Variants in RFX3 observed in about 807,000 individuals in gnomAD.
RFX3 encodes the protein regulatory factor X3, also known as transcription factor RFX3.
A neutral mutation model predicts 98.6 loss-of-function variants in RFX3; 14 were observed. The observed-to-expected ratio is 0.14, with a 90% CI of 0.09 to 0.22. The LOEUF is 0.22. Among genes scored for constraint, RFX3 ranks in the 10% least tolerant of loss-of-function variants. The pLI is 1.00. For synonymous variants in RFX3, 383 were observed against 328.4 expected (o/e 1.17, Z -1.80); for missense variants, 639 against 926.9 (o/e 0.69, Z 4.03).
intron 1 of RFX3, among the ~76,000 whole-genome samples, chr9:3,521,336 C>A (rs1818690522): frequency 1.3e-5 from 2 of 151,984 alleles, no homozygotes; most frequent in Admixed American, 1.3e-4. Context: ...TATTAGTACA[C>A]GAAGTTAGGT....
intron 1 of RFX3, among the ~76,000 whole-genome samples, chr9:3,449,488 C>A (rs1846369168): frequency 6.6e-6 from 1 of 152,240 alleles, no homozygotes; most frequent in African/African-American, 2.4e-5. Flanking sequence ...TTTCTAATTA[C>A]AACTGTACAC....
chr9:3,522,618 C>T (rs1471951309), intron 1 of RFX3, among the ~76,000 whole-genome samples: 3 of 151,504 alleles, frequency 2.0e-5, no homozygotes, highest in Admixed American at 6.6e-5. Flanking sequence ...CTGCTATGCC[C>T]ACCCATTTAA....
At chr9:3,257,271 C>T in intron 13 of RFX3, 72 bp from the exon 14 acceptor site, 1 of 1,249,824 alleles carries the variant, frequency 8.0e-7, no homozygotes, top group Non-Finnish European at 1.2e-6. Flanking sequence ...AGCACACACA[C>T]TAGATGCAAG....
chr9:3,258,945 A>T (rs912968586), intron 13 of RFX3, among the ~76,000 whole-genome samples: 8 of 151,880 alleles, frequency 5.3e-5, no homozygotes, highest in Non-Finnish European at 1.2e-4. Flanking sequence ...AGAGGATCAT[A>T]TTATATTTTC....
At chr9:3,432,822 G>A (rs949882768) in intron 1 of RFX3, among the ~76,000 whole-genome samples, 3 of 152,082 alleles carry the variant, frequency 2.0e-5, no homozygotes, top group African/African-American at 7.2e-5. Flanking sequence ...TTTATGACTT[G>A]GATGCTTCTA....
intron 1 of RFX3, among the ~76,000 whole-genome samples, chr9:3,425,977 GC>G (rs1843979568): frequency 6.6e-6 from 1 of 151,906 alleles, no homozygotes. Context: ...TTTTCACTTA[GC>G]TTTTCATACA....
intron 2 of RFX3, among the ~76,000 whole-genome samples, chr9:3,351,737 T>C (rs1273575446): frequency 6.6e-6 from 1 of 151,862 alleles, no homozygotes; most frequent in Non-Finnish European, 1.5e-5. Flanking sequence ...TCAGATAACT[T>C]CAAATGAAAA....
chr9:3,469,394 G>A (rs975606162), intron 1 of RFX3, among the ~76,000 whole-genome samples: 1 of 151,974 alleles, frequency 6.6e-6, no homozygotes, highest in African/African-American at 2.4e-5. Flanking sequence ...ATCAACTTGG[G>A]TATTTTTCCA....
At chr9:3,256,288 A>C (rs570577366) in intron 14 of RFX3, among the ~76,000 whole-genome samples, 1 of 150,544 alleles carries the variant, frequency 6.6e-6, no homozygotes, top group African/African-American at 2.4e-5. Context: ...CTATCTCTTG[A>C]CCACCAAGAT....
At chr9:3,320,596 A>G (rs764643567) in intron 4 of RFX3, among the ~76,000 whole-genome samples, 1 of 150,566 alleles carries the variant, frequency 6.6e-6, no homozygotes, top group Non-Finnish European at 1.5e-5. Context: ...AGGATATCTT[A>G]TATAAGCACA....
chr9:3,418,568 C>T (rs1208192827), intron 1 of RFX3, among the ~76,000 whole-genome samples: 2 of 151,896 alleles, frequency 1.3e-5, no homozygotes, highest in Non-Finnish European at 2.9e-5. Context: ...TTAGTAGAGA[C>T]GGGGTTTCAC....
At chr9:3,245,598 A>C (rs1820553719) in intron 15 of RFX3, among the ~76,000 whole-genome samples, 1 of 152,208 alleles carries the variant, frequency 6.6e-6, no homozygotes, top group South Asian at 2.1e-4. Flanking sequence ...AGGACATAAA[A>C]AAAGAATGCT....
chr9:3,419,602 A>C (rs1843274321), intron 1 of RFX3, among the ~76,000 whole-genome samples: 1 of 152,164 alleles, frequency 6.6e-6, no homozygotes, highest in South Asian at 2.1e-4. Flanking sequence ...AACTAAGTGC[A>C]TGATTAAATT....
chr9:3,510,432 A>G (rs1159257070), intron 1 of RFX3, among the ~76,000 whole-genome samples: 1 of 152,088 alleles, frequency 6.6e-6, no homozygotes, highest in East Asian at 1.9e-4. Flanking sequence ...ACTCAAACAT[A>G]GAATAAGTGG....
In RFX3 at chr9:3,525,916, T is replaced by G. The variant is rs763064918; in HGVS notation, c.-178A>C. 9.1e-5 allele frequency: 89 copies of G among 974,262 alleles called. No individual in the cohort carries two copies. The highest frequency in any genetic ancestry group is 1.0e-4 in the Non-Finnish European group (86 of 827,142). The allele number at this position is 974,262 out of a possible 1,614,324, so 60.4% of individuals were successfully genotyped here. ...TTGATTCACAAGGCAACGGTTGCTA[T>G]AACTCACAAAAGAGAGAGAGAGAGG... On this transcript the variant is annotated 5_prime_UTR_variant, in exon 1 of 17. Coordinates refer to ENST00000617270, the MANE Select transcript of RFX3 (RefSeq NM_001282116.2).
rs139140501 is a variant in RFX3 at position 3,236,645 on chromosome 9, G to A, written c.1969-7756C>T. On this transcript the variant is annotated intron_variant, in intron 15 of 16. Transcript: ENST00000617270. ...AGGTGCTGGCATGTTATCAGATGGC[G>A]GAAGTGACCACAGGCAGTGGACACA... 1.2e-3 allele frequency among the ~76,000 whole-genome samples: 181 copies of A among 152,266 alleles called. 1 individual carries two copies. The highest frequency in any genetic ancestry group is 3.9e-3 in the African/African-American group (164 of 41,536).
chr9:3,449,169 T>C (rs991731355), intron 1 of RFX3, among the ~76,000 whole-genome samples: 3 of 152,172 alleles, frequency 2.0e-5, no homozygotes, highest in Non-Finnish European at 4.4e-5. Flanking sequence ...GATATCATAT[T>C]AATACATAGG....
At chr9:3,351,739 A>T (rs957786397) in intron 2 of RFX3, among the ~76,000 whole-genome samples, 1 of 151,998 alleles carries the variant, frequency 6.6e-6, no homozygotes, top group Admixed American at 6.6e-5. Flanking sequence ...AGATAACTTC[A>T]AATGAAAAGA....
In RFX3 at chr9:3,392,725, A is replaced by G. The variant is rs1587480805; in HGVS notation, c.117+2747T>C. Among the ~76,000 whole-genome samples, 6 of 151,418 alleles carry G rather than the reference A, an allele frequency of 4.0e-5. 1 individual carries two copies. The South Asian group carries it at 1.2e-3, about 32-fold the overall frequency. On this transcript the variant is annotated intron_variant, in intron 2 of 16. Coordinates refer to ENST00000617270, the MANE Select transcript of RFX3 (RefSeq NM_001282116.2). ...TTTCAAATATTCTACAAAGTTTCAGAGAAAAAAAAATCACATAAACCACAT... is the reference window on the plus strand; with the variant it reads ...TTTCAAATATTCTACAAAGTTTCAGGGAAAAAAAAATCACATAAACCACAT...
Sources: allele counts gnomAD v4.1 joint callset (sites outside exome capture counted in the v4.1 genomes callset), GRCh38; gene constraint gnomAD v4.1.1; transcripts MANE v1.5; gene names NCBI Gene and HGNC (gene_info 2026-07-23, HGNC 2026-07-21).